Variants in SPTLC1 observed in about 807,000 individuals in gnomAD.
SPTLC1 encodes serine palmitoyltransferase long chain base subunit 1.
SPTLC1 carries 55 observed loss-of-function variants against 68.9 expected under a neutral mutation model. The ratio of observed to expected loss-of-function variants is 0.80; its 90% CI spans 0.64 to 1.00. The LOEUF (loss-of-function observed/expected upper bound fraction) is 1.00. Ranked by LOEUF, SPTLC1 falls within the 50% of genes least tolerant of loss-of-function variation. The pLI, the probability that SPTLC1 is intolerant of heterozygous loss-of-function variation, is 0.00. For missense variants in SPTLC1, 449 were observed against 573.1 expected (o/e 0.78, Z 2.21); for synonymous variants, 197 against 201.6 (o/e 0.98, Z 0.19).
intron 8 of SPTLC1, among the ~76,000 whole-genome samples, chr9:92,053,488 A>G (rs1294107799): frequency 6.6e-6 from 1 of 152,274 alleles, no homozygotes; most frequent in African/African-American, 2.4e-5. Context: ...ACTATTTGCA[A>G]TAGCAAAAAG....
intron 6 of SPTLC1, among the ~76,000 whole-genome samples, chr9:92,064,452 G>A (rs184504188): frequency 6.6e-5 from 10 of 152,244 alleles, no homozygotes; most frequent in African/African-American, 2.4e-4. Context: ...AAAAAGTAGT[G>A]ATAACACCAA....
intron 5 of SPTLC1, chr9:92,079,789 G>A: frequency 1.5e-6 from 1 of 652,222 alleles, no homozygotes; most frequent in Non-Finnish European, 2.7e-6. Flanking sequence ...CCCCACACAT[G>A]CACACGAGGA....
At chr9:92,097,896 AG>A (rs1331702581) in intron 3 of SPTLC1, among the ~76,000 whole-genome samples, 1 of 152,246 alleles carries the variant, frequency 6.6e-6, no homozygotes, top group African/African-American at 2.4e-5. Flanking sequence ...TATGGTAAAT[AG>A]ATTATATATC....
intron 3 of SPTLC1, among the ~76,000 whole-genome samples, chr9:92,095,870 C>G (rs1835510306): frequency 1.3e-5 from 2 of 152,184 alleles, no homozygotes; most frequent in Non-Finnish European, 2.9e-5. Context: ...AACTGGGGCA[C>G]CAGCTTCCAT....
intron 5 of SPTLC1, chr9:92,070,311 G>T (rs1439443216): frequency 6.6e-6 from 1 of 152,182 alleles, no homozygotes; most frequent in East Asian, 1.9e-4. Flanking sequence ...GGGAGGAGAA[G>T]GCAGCAAGCA....
chr9:92,079,124 G>T, intron 5 of SPTLC1: 17 of 558,434 alleles, frequency 3.0e-5, no homozygotes, highest in Non-Finnish European at 3.9e-5. Context: ...TGCCCAGGCT[G>T]GAGTGCAGTG....
chr9:92,050,316 T>C (rs1296069160), intron 8 of SPTLC1: 1 of 436,032 alleles, frequency 2.3e-6, no homozygotes, highest in Non-Finnish European at 4.2e-6. Context: ...TTTTCCCAGG[T>C]GAGGGTGAAC....
rs540837956 is a variant in SPTLC1 at position 92,074,843 on chromosome 9, C to A, written c.427+5173G>T. Among the ~76,000 whole-genome samples, 3 of 152,242 alleles carry A rather than the reference C, an allele frequency of 2.0e-5. No homozygotes were observed. In the East Asian group the frequency reaches 5.8e-4, roughly 29 times the overall value. On this transcript the variant is annotated intron_variant, in intron 5 of 14. Coordinates refer to ENST00000262554, the MANE Select transcript of SPTLC1 (RefSeq NM_006415.4). The stretch of plus-strand genomic sequence containing the variant: ...ATCCTCAATACCGCCTTCCACAACT[C>A]ATTATTCTGTTATTGACCTCAAAGA...
intron 5 of SPTLC1, among the ~76,000 whole-genome samples, chr9:92,072,698 T>C (rs887125538): frequency 2.0e-5 from 3 of 152,118 alleles, no homozygotes; most frequent in African/African-American, 7.2e-5. Context: ...CAATATAAAT[T>C]AGACAATGGC....
chr9:92,091,212 C>T (rs1392570510), intron 3 of SPTLC1, among the ~76,000 whole-genome samples: 3 of 152,072 alleles, frequency 2.0e-5, no homozygotes, highest in Admixed American at 6.6e-5. Flanking sequence ...TTCCTGGGAG[C>T]GGGACTTCAC....
At chr9:92,040,762 GAAA>G (rs111600312) in intron 12 of SPTLC1, among the ~76,000 whole-genome samples, 1 of 85,418 alleles carries the variant, frequency 1.2e-5, no homozygotes. Flanking sequence ...TGTCTCAAAA[GAAA>G]AAAAAAAAAA....
chr9:92,096,630 C>A (rs1432145268), intron 3 of SPTLC1, among the ~76,000 whole-genome samples: 2 of 152,092 alleles, frequency 1.3e-5, no homozygotes, highest in Non-Finnish European at 2.9e-5. Flanking sequence ...AACTTGACAT[C>A]CACCTGGAAA....
At chr9:92,041,742 A>G (rs188265330) in intron 12 of SPTLC1, among the ~76,000 whole-genome samples, 1 of 152,252 alleles carries the variant, frequency 6.6e-6, no homozygotes, top group East Asian at 1.9e-4. Context: ...AGCTAAATAA[A>G]TCTAACAGTG....
Position 92,046,046 on chromosome 9 carries a change from A to G in SPTLC1, c.1089T>C (p.Phe363=). The part of the protein sequence containing the change: ...LNIMEENPGI[F]AVLKEKCGQI... Reference sequence around the variant, plus strand: ...GTCCGCACTTTTCCTTCAACACTGCAAAAATACCTAGATGAAAAAAATACG... The same window carrying G: ...GTCCGCACTTTTCCTTCAACACTGCGAAAATACCTAGATGAAAAAAATACG... The change falls in exon 12 of 15, where the codon TTT becomes TTC. Residue 363 remains phenylalanine, a synonymous_variant. Coordinates refer to ENST00000262554, the MANE Select transcript of SPTLC1 (RefSeq NM_006415.4). 6.2e-7 allele frequency: 1 copy of G among 1,612,862 alleles called. No individual in the cohort carries two copies. The highest frequency in any genetic ancestry group is 8.5e-7 in the Non-Finnish European group (1 of 1,179,264).
intron 6 of SPTLC1, among the ~76,000 whole-genome samples, chr9:92,066,984 A>G (rs1834308039): frequency 6.6e-6 from 1 of 151,726 alleles, no homozygotes; most frequent in Admixed American, 6.6e-5. Context: ...CCATCTCAAA[A>G]TAAAAAAAAT....
intron 8 of SPTLC1, among the ~76,000 whole-genome samples, chr9:92,054,741 C>T (rs1833822955): frequency 6.6e-6 from 1 of 152,054 alleles, no homozygotes; most frequent in Non-Finnish European, 1.5e-5. Context: ...GGTGAAACCC[C>T]GTCTCTACTA....
chr9:92,060,323 A>G (rs905834136), intron 6 of SPTLC1, among the ~76,000 whole-genome samples: 8 of 152,336 alleles, frequency 5.3e-5, no homozygotes, highest in African/African-American at 1.7e-4. Flanking sequence ...GAAGATATCA[A>G]GTAGAATGAA....
chr9:92,066,904 C>T (rs1019764727), intron 6 of SPTLC1, among the ~76,000 whole-genome samples: 3 of 151,758 alleles, frequency 2.0e-5, no homozygotes, highest in Non-Finnish European at 4.4e-5. Flanking sequence ...TGCTTGAACC[C>T]GGGAGGCGGA....
intron 3 of SPTLC1, among the ~76,000 whole-genome samples, chr9:92,086,671 T>G: frequency 6.6e-6 from 1 of 152,044 alleles, no homozygotes; most frequent in African/African-American, 2.4e-5. Context: ...TGGCTGCCCT[T>G]AACATTTTTT....
Sources: allele counts gnomAD v4.1 joint callset (sites outside exome capture counted in the v4.1 genomes callset), GRCh38; gene constraint gnomAD v4.1.1; transcripts MANE v1.5; gene names NCBI Gene and HGNC (gene_info 2026-07-23, HGNC 2026-07-21).